WDR27: variants seen among roughly 807,000 people sequenced by gnomAD.
The protein encoded by WDR27 is WD repeat-containing protein 27.
WDR27 carries 100 observed loss-of-function variants against 114.4 expected under a neutral mutation model. The observed-to-expected ratio is 0.87, with a 90% CI of 0.74 to 1.03. WDR27 has a LOEUF of 1.03. Among genes scored for constraint, WDR27 ranks in the 50% least tolerant of loss-of-function variants. The probability of loss-of-function intolerance (pLI) is 0.00; values close to 1 mark genes in which losing one functional copy is unlikely to be tolerated. For synonymous variants in WDR27, 449 were observed against 423.1 expected (o/e 1.06, Z -0.75); for missense variants, 1,129 against 1,092.9 (o/e 1.03, Z -0.47).
intron 14 of WDR27, among the ~76,000 whole-genome samples, chr6:169,651,193 G>T (rs1822425375): frequency 1.5e-5 from 1 of 67,776 alleles, no homozygotes; most frequent in Non-Finnish European, 2.6e-5. Flanking sequence ...CGGGGGGGGG[G>T]AGTGGGGGAG....
intron 1 of WDR27, among the ~76,000 whole-genome samples, chr6:169,697,129 C>A (rs187477076): frequency 3.9e-5 from 6 of 152,122 alleles, no homozygotes; most frequent in Non-Finnish European, 4.4e-5. Flanking sequence ...ATATGAATAT[C>A]ATTAATCATT....
intron 25 of WDR27, among the ~76,000 whole-genome samples, chr6:169,462,434 C>CAAGG (rs201468579): frequency 6.8e-6 from 1 of 148,064 alleles, no homozygotes; most frequent in Non-Finnish European, 1.5e-5. Flanking sequence ...GAGACTGTCT[C>CAAGG]AAGGAAGGAA....
At chr6:169,651,697 G>C (rs577580451) in intron 14 of WDR27, among the ~76,000 whole-genome samples, 1 of 152,270 alleles carries the variant, frequency 6.6e-6, no homozygotes, top group African/African-American at 2.4e-5. Flanking sequence ...AGGACTCGGA[G>C]GACTGCTCTG....
In WDR27 at chr6:169,457,592, C is replaced by T; in HGVS notation, c.2688G>A (p.Ter896=). 3 of 1,552,080 alleles carry T rather than the reference C, an allele frequency of 1.9e-6. No individual in the cohort carries two copies. The highest frequency in any genetic ancestry group is 2.6e-6 in the Non-Finnish European group (3 of 1,147,060). Residue 896 remains the stop codon, a stop_retained_variant, in exon 26 of 26, where the codon TAG becomes TAA. Coordinates refer to ENST00000448612, the MANE Select transcript of WDR27 (RefSeq NM_182552.5). ...AGCTCACAGGTCAGTGGTTACTCAG[C>T]TAGAAAGAGCTGGAGTTTACCATCC... is the stretch of plus-strand genomic sequence containing the variant. ...LPWMVNSSSF[*]
the WDR27 span, among the ~76,000 whole-genome samples, chr6:169,440,424 C>G: frequency 2.0e-5 from 3 of 151,984 alleles, no homozygotes; most frequent in Admixed American, 6.6e-5. Context: ...GGGGACAAGC[C>G]TCACGCCTAG....
At chr6:169,538,031 G>T (rs1363137533) in intron 25 of WDR27, among the ~76,000 whole-genome samples, 8 of 151,652 alleles carry the variant, frequency 5.3e-5, no homozygotes, top group Non-Finnish European at 1.2e-4. Context: ...GGGTGTGTAT[G>T]TGTGGTGGGG....
In WDR27 at chr6:169,457,494, C is replaced by T; in HGVS notation, c.*98G>A. On this transcript the variant is annotated 3_prime_UTR_variant, in exon 26 of 26. Transcript: ENST00000448612. ...AGTCTCAAAATATGAAAAACAGTTG[C>T]TGCTTCTGGCCCCCTGATGGATGAA... 3.9e-6 allele frequency: 4 copies of T among 1,035,264 alleles called. No homozygotes were observed. In the South Asian group the frequency reaches 6.9e-5, roughly 18 times the overall value. The allele number at this position is 1,035,264 out of a possible 1,614,324, so 64.1% of individuals were successfully genotyped here. A position where few individuals can be genotyped will look rare whatever the true frequency, so the allele number is the denominator to read the frequency against.
At chr6:169,557,815 C>T (rs1042401972) in intron 25 of WDR27, among the ~76,000 whole-genome samples, 2 of 151,934 alleles carry the variant, frequency 1.3e-5, no homozygotes, top group African/African-American at 4.8e-5. Flanking sequence ...ACTTGCATTC[C>T]CCTCCACTTA....
At chr6:169,633,767 G>C (rs1424563094) in intron 20 of WDR27, among the ~76,000 whole-genome samples, 1 of 152,184 alleles carries the variant, frequency 6.6e-6, no homozygotes, top group Non-Finnish European at 1.5e-5. Flanking sequence ...ATTTAAGCTA[G>C]AATAATCCTA....
In WDR27 at chr6:169,662,300, T is replaced by G; in HGVS notation, c.1025+4A>C. On this transcript the variant is annotated splice_donor_region_variant and intron_variant, in intron 9 of 25. Transcript: ENST00000448612. ...GTGGCATAGGCAAAGTTTTTGATAC[T>G]TACCATCCACATGCAGAATTTGGGA... The G allele has an allele frequency of 6.2e-7, 1 of 1,613,168 alleles. No individual in the cohort carries two copies. Among genetic ancestry groups the G allele is most frequent in the Non-Finnish European group, 8.5e-7 (1 of 1,179,184 alleles).
the WDR27 span, among the ~76,000 whole-genome samples, chr6:169,432,323 T>C: frequency 6.6e-6 from 1 of 152,264 alleles, no homozygotes; most frequent in Non-Finnish European, 1.5e-5. Flanking sequence ...TTAACTATGC[T>C]TTGTCCAATC....
intron 25 of WDR27, among the ~76,000 whole-genome samples, chr6:169,470,823 A>C (rs1786275591): frequency 6.6e-6 from 1 of 152,186 alleles, no homozygotes; most frequent in Non-Finnish European, 1.5e-5. Context: ...AGGAGCATGC[A>C]ATTTGGTCCA....
intron 22 of WDR27, among the ~76,000 whole-genome samples, chr6:169,612,583 G>T (rs1373522616): frequency 1.5e-5 from 2 of 129,394 alleles, no homozygotes; most frequent in Non-Finnish European, 3.1e-5. Context: ...CTGAGATCAT[G>T]TAACACTGCA....
At chr6:169,427,442 C>T in the WDR27 span, among the ~76,000 whole-genome samples, 2 of 151,764 alleles carry the variant, frequency 1.3e-5, no homozygotes, top group African/African-American at 4.8e-5. Context: ...GACCGTGGGC[C>T]CCCCATCTTA....
chr6:169,484,821 C>T (rs1048031292), intron 25 of WDR27, among the ~76,000 whole-genome samples: 6 of 151,970 alleles, frequency 3.9e-5, no homozygotes, highest in Admixed American at 3.9e-4. Context: ...TAAAAAGAGG[C>T]ACAGAGACCA....
intron 1 of WDR27, among the ~76,000 whole-genome samples, chr6:169,692,302 G>A (rs148374936): frequency 0.016 from 2,477 of 152,292 alleles, 41 homozygotes; most frequent in African/African-American, 0.041. Flanking sequence ...TTAGGGAGAG[G>A]TCATAGGGTG....
intron 21 of WDR27, among the ~76,000 whole-genome samples, chr6:169,630,617 C>T (rs573633629): frequency 3.3e-5 from 5 of 152,294 alleles, no homozygotes; most frequent in East Asian, 1.9e-4. Context: ...ACAGGTTGGT[C>T]GGGCGCAGTG....
At chr6:169,529,318 G>C (rs140215843) in intron 25 of WDR27, among the ~76,000 whole-genome samples, 9,039 of 143,752 alleles carry the variant, frequency 0.063, 640 homozygotes, top group African/African-American at 0.11. Flanking sequence ...TCTGCGGGGG[G>C]GGGGGGCAGC....
At chr6:169,470,229 T>C (rs913976385) in intron 25 of WDR27, among the ~76,000 whole-genome samples, 1 of 152,202 alleles carries the variant, frequency 6.6e-6, no homozygotes, top group Non-Finnish European at 1.5e-5. Context: ...CATATTCTGT[T>C]CATAATTATT....
Sources: allele counts gnomAD v4.1 joint callset (sites outside exome capture counted in the v4.1 genomes callset), GRCh38; gene constraint gnomAD v4.1.1; transcripts MANE v1.5; gene names NCBI Gene and HGNC (gene_info 2026-07-23, HGNC 2026-07-21).